PDSS2: variants seen among roughly 807,000 people sequenced by gnomAD.
PDSS2 encodes the protein decaprenyl diphosphate synthase subunit 2, also known as all trans-polyprenyl-diphosphate synthase PDSS2.
A neutral mutation model predicts 44.5 loss-of-function variants in PDSS2; 31 were observed. The ratio of observed to expected loss-of-function variants is 0.70; its 90% CI spans 0.52 to 0.94. PDSS2 has a LOEUF of 0.94. PDSS2 is among the 40% of genes least tolerant of loss of function. The pLI is 0.00. For missense variants in PDSS2, 452 were observed against 482.2 expected (o/e 0.94, Z 0.59); for synonymous variants, 157 against 180.3 (o/e 0.87, Z 1.03).
At chr6:107,172,996 C>T (rs1251571096) in intron 7 of PDSS2, among the ~76,000 whole-genome samples, 1 of 151,736 alleles carries the variant, frequency 6.6e-6, no homozygotes, top group African/African-American at 2.4e-5. Flanking sequence ...TGGTGGCGTG[C>T]ACCTGTTGTC....
intron 2 of PDSS2, among the ~76,000 whole-genome samples, chr6:107,311,399 G>A (rs1306278345): frequency 1.3e-5 from 2 of 151,764 alleles, no homozygotes; most frequent in Admixed American, 6.6e-5. Flanking sequence ...TACAGATGGG[G>A]GTTTCATTAT....
Position 107,424,036 on chromosome 6 carries a change from CTTTTT to C in PDSS2, c.296+34949_296+34953del, listed in dbSNP as rs56318621. Among the ~76,000 whole-genome samples the C allele has an allele frequency of 4.2e-4, 38 of 90,600 alleles. 1 individual carries two copies. Among genetic ancestry groups the C allele is most frequent in the African/African-American group, 1.5e-3 (33 of 21,996 alleles). The allele number at this position is 90,600 out of a possible 152,430, so 59.4% of individuals were successfully genotyped here. On this transcript the variant is annotated intron_variant, in intron 1 of 7. Transcript: ENST00000369037. Reference sequence around the variant, plus strand: ...AATTATGATTATTTTTATCTTGCATCTTTTTTTTTTTTTTTTTTTTTTTGGGACAG... The same window carrying C: ...AATTATGATTATTTTTATCTTGCATCTTTTTTTTTTTTTTTTTTGGGACAG...
intron 1 of PDSS2, among the ~76,000 whole-genome samples, chr6:107,430,150 T>C (rs915671705): frequency 2.6e-5 from 4 of 151,760 alleles, no homozygotes; most frequent in African/African-American, 4.8e-5. Context: ...CTGTAGCCAA[T>C]TGTATTCATA....
chr6:107,310,414 C>T (rs1777006489), intron 2 of PDSS2, among the ~76,000 whole-genome samples: 1 of 152,084 alleles, frequency 6.6e-6, no homozygotes, highest in South Asian at 2.1e-4. Flanking sequence ...AATCACCATG[C>T]CCAGAGAGAC....
chr6:107,214,790 T>G (rs868252469), intron 4 of PDSS2, among the ~76,000 whole-genome samples: 1 of 152,228 alleles, frequency 6.6e-6, no homozygotes, highest in Non-Finnish European at 1.5e-5. Context: ...CTTAACTTCA[T>G]GCAATGTTTT....
chr6:107,223,643 G>C (rs2114692975), intron 4 of PDSS2, among the ~76,000 whole-genome samples: 1 of 151,390 alleles, frequency 6.6e-6, no homozygotes, highest in African/African-American at 2.5e-5. Context: ...GAGTCCAGGA[G>C]GTCAAGGCTG....
rs187373551 is a variant in PDSS2, at chr6:107,179,299, T to C, written c.1041+14523A>G. ...AGATCCTTCTTCTTCTTTTTTTTTTTAGATGGAGTTTCACATTGTTGCCCA... is the reference window on the plus strand; with the variant it reads ...AGATCCTTCTTCTTCTTTTTTTTTTCAGATGGAGTTTCACATTGTTGCCCA... On this transcript the variant is annotated intron_variant, in intron 7 of 7. Transcript: ENST00000369037. Among the ~76,000 whole-genome samples, 270 of 152,138 alleles carry C rather than the reference T, an allele frequency of 1.8e-3. 1 individual carries two copies. The highest frequency in any genetic ancestry group is 3.4e-3 in the Middle Eastern group (1 of 294).
chr6:107,250,905 A>G (rs1774795541), intron 3 of PDSS2, among the ~76,000 whole-genome samples: 1 of 151,936 alleles, frequency 6.6e-6, no homozygotes, highest in Non-Finnish European at 1.5e-5. Flanking sequence ...ACCCAGGCTG[A>G]AGTGCAGTGG....
chr6:107,226,709 G>A (rs1201887990), intron 4 of PDSS2, among the ~76,000 whole-genome samples: 6 of 141,922 alleles, frequency 4.2e-5, no homozygotes, highest in East Asian at 2.1e-4. Flanking sequence ...TCGTTCTGTC[G>A]CCCAGGCTGG....
intron 2 of PDSS2, among the ~76,000 whole-genome samples, chr6:107,286,609 T>C (rs1240455180): frequency 6.6e-6 from 1 of 152,108 alleles, no homozygotes; most frequent in East Asian, 1.9e-4. Context: ...AAAAGATTTA[T>C]ATTTAAAATA....
intron 1 of PDSS2, among the ~76,000 whole-genome samples, chr6:107,347,867 A>G (rs1170563312): frequency 6.6e-6 from 1 of 152,166 alleles, no homozygotes; most frequent in Non-Finnish European, 1.5e-5. Flanking sequence ...AATTTTTAAA[A>G]GGTAAAAAAG....
At chr6:107,214,360 G>A (rs1470148475) in intron 4 of PDSS2, among the ~76,000 whole-genome samples, 2 of 151,922 alleles carry the variant, frequency 1.3e-5, no homozygotes, top group Non-Finnish European at 2.9e-5. Context: ...CAAAGTGCTG[G>A]GATTACAAGT....
At chr6:107,380,991 G>A (rs1779437606) in intron 1 of PDSS2, among the ~76,000 whole-genome samples, 1 of 152,154 alleles carries the variant, frequency 6.6e-6, no homozygotes, top group Non-Finnish European at 1.5e-5. Flanking sequence ...AAACTATAAA[G>A]TTTTATTTTA....
intron 7 of PDSS2, among the ~76,000 whole-genome samples, chr6:107,176,269 C>A (rs151135435): frequency 2.3e-4 from 35 of 151,876 alleles, no homozygotes; most frequent in Non-Finnish European, 4.6e-4. Flanking sequence ...CTCAAACTCC[C>A]GACCTCAGGT....
At chr6:107,287,090 A>G (rs1055533694) in intron 2 of PDSS2, among the ~76,000 whole-genome samples, 1 of 152,216 alleles carries the variant, frequency 6.6e-6, no homozygotes, top group Admixed American at 6.5e-5. Flanking sequence ...ACAATGAAAT[A>G]ACATTTTTAG....
chr6:107,297,138 C>T (rs1217556248), intron 2 of PDSS2, among the ~76,000 whole-genome samples: 1 of 152,172 alleles, frequency 6.6e-6, no homozygotes, highest in Non-Finnish European at 1.5e-5. Flanking sequence ...GAATACACCC[C>T]ATCCTAACCA....
At chr6:107,389,336 A>G (rs1049429899) in intron 1 of PDSS2, among the ~76,000 whole-genome samples, 2 of 152,066 alleles carry the variant, frequency 1.3e-5, no homozygotes, top group Non-Finnish European at 2.9e-5. Context: ...AATATGGGGG[A>G]AAAAAAGGAG....
intron 7 of PDSS2, 48 bp downstream of exon 7, chr6:107,193,774 C>A: frequency 8.9e-7 from 1 of 1,127,542 alleles, no homozygotes; most frequent in South Asian, 1.2e-5. Context: ...AAGCCAAACA[C>A]CAAATTGAAA....
chr6:107,305,618 C>T (rs1164892421), intron 2 of PDSS2, among the ~76,000 whole-genome samples: 1 of 152,154 alleles, frequency 6.6e-6, no homozygotes, highest in South Asian at 2.1e-4. Context: ...ATGCAAGCAA[C>T]AGGGATTCAT....
Sources: gnomAD v4.1 joint callset for allele counts (sites outside exome capture counted in the v4.1 genomes callset) on GRCh38, gnomAD v4.1.1 for gene constraint, MANE v1.5 for transcripts, NCBI Gene and HGNC (gene_info 2026-07-23, HGNC 2026-07-21) for gene names.